Variants in ST6GALNAC2 observed in about 807,000 individuals in gnomAD.
ST6GALNAC2 encodes the protein alpha-N-acetylgalactosaminide alpha-2,6-sialyltransferase 2.
ST6GALNAC2 carries 42 observed loss-of-function variants against 38.7 expected under a neutral mutation model. The observed-to-expected ratio is 1.09, with a 90% CI of 0.85 to 1.40. ST6GALNAC2 has a LOEUF of 1.40. ST6GALNAC2 is among the 40% of genes most tolerant of loss of function. The probability of loss-of-function intolerance (pLI) is 0.00; values close to 1 mark genes in which losing one functional copy is unlikely to be tolerated. For synonymous variants in ST6GALNAC2, 233 were observed against 209.0 expected (o/e 1.11, Z -0.99); for missense variants, 506 against 481.7 (o/e 1.05, Z -0.47).
chr17:76,585,005 C>A (rs1220787674), intron 1 of ST6GALNAC2, among the ~76,000 whole-genome samples: 1 of 152,248 alleles, frequency 6.6e-6, no homozygotes, highest in East Asian at 1.9e-4. Flanking sequence ...CGTGGGACAC[C>A]CAGGAAAGTG....
intron 6 of ST6GALNAC2, 158 bp downstream of exon 6, chr17:76,570,407 T>C (rs2075339767): frequency 1.6e-6 from 1 of 606,774 alleles, no homozygotes; most frequent in South Asian, 1.9e-5. Flanking sequence ...AGTGCTGTTA[T>C]GTGAATAATT....
At chr17:76,568,336 G>T (rs909065790) in intron 7 of ST6GALNAC2, 6 of 254,172 alleles carry the variant, frequency 2.4e-5, no homozygotes, top group Admixed American at 1.0e-4. Context: ...GTTGAGGCTG[G>T]TCCCCGGGTT....
Position 76,570,637 on chromosome 17 carries a change from A to G in ST6GALNAC2, c.701T>C (p.Ile234Thr). 1.2e-6 allele frequency: 2 copies of G among 1,613,016 alleles called. No homozygotes were observed. Among genetic ancestry groups the G allele is most frequent in the Admixed American group, 1.7e-5 (1 of 59,938 alleles). ...DLQYIFIPSD[I>T]RDYVMLRSAI... ...CGATCTCAGCATCACATAGTCGCGG[A>G]TGTCTGAGGGGATGAAGATATACTG... The change falls in exon 6 of 9, where the codon ATC becomes ACC. Residue 234 changes from isoleucine (I) to threonine (T), a missense_variant. Ile to Thr is a moderately conservative substitution (Grantham distance 89). Coordinates refer to ENST00000225276, the MANE Select transcript of ST6GALNAC2 (RefSeq NM_006456.3).
At chr17:76,576,612 A>G (rs1028172409) in intron 2 of ST6GALNAC2, among the ~76,000 whole-genome samples, 6 of 152,092 alleles carry the variant, frequency 3.9e-5, no homozygotes, top group Non-Finnish European at 8.8e-5. Context: ...GTATTCCTAC[A>G]TGGCTCTGCT....
rs1437363423 is a variant in ST6GALNAC2, at chr17:76,573,468, C to T, written c.362-105G>A. On this transcript the variant is annotated intron_variant, in intron 3 of 8. Coordinates refer to ENST00000225276, the MANE Select transcript of ST6GALNAC2 (RefSeq NM_006456.3). The surrounding 1 kb of genome is among the most constrained non-coding windows in gnomAD (Gnocchi z 5.1). ...GCCCCATCTCCCCTGAGGCCTGACC[C>T]TAGCCCCTCCCAAGAAGCACAGAGG... 5 of 1,130,236 alleles carry T rather than the reference C, an allele frequency of 4.4e-6. No individual in the cohort carries two copies. The highest frequency in any genetic ancestry group is 6.0e-6 in the Non-Finnish European group (5 of 839,586). 70.0% of individuals were successfully genotyped at this position (1,130,236 alleles called of 1,614,324 possible).
rs556048180 is a variant in ST6GALNAC2 at position 76,577,354 on chromosome 17, C to T, written c.186+1402G>A. 2.2e-3 allele frequency among the ~76,000 whole-genome samples: 334 copies of T among 152,096 alleles called. 3 individuals are homozygous for T. The highest frequency in any genetic ancestry group is 7.6e-3 in the African/African-American group (316 of 41,488). On this transcript the variant is annotated intron_variant, in intron 2 of 8. Transcript: ENST00000225276. ...AAAGTGCTGGGATTACAGGCATGAG[C>T]CACTGCGCCTGGCCGTTTTTGTCTT... is the stretch of plus-strand genomic sequence containing the variant.
At chr17:76,583,460 C>G (rs1180117132) in intron 1 of ST6GALNAC2, among the ~76,000 whole-genome samples, 1 of 151,406 alleles carries the variant, frequency 6.6e-6, no homozygotes, top group Non-Finnish European at 1.5e-5. Flanking sequence ...TACAGTGAGC[C>G]AAGATAGACC....
At chr17:76,566,806 C>T (rs953686391) in intron 8 of ST6GALNAC2, among the ~76,000 whole-genome samples, 2 of 152,018 alleles carry the variant, frequency 1.3e-5, no homozygotes, top group African/African-American at 4.8e-5. Context: ...TGCACTTAAG[C>T]CTGGGTGACA....
chr17:76,573,158 C>CT lies in ST6GALNAC2; in HGVS notation c.530+36dup. On this transcript the variant is annotated intron_variant, in intron 4 of 8. Transcript: ENST00000225276. The surrounding 1 kb of genome is among the most constrained non-coding windows in gnomAD (Gnocchi z 5.1). Reference sequence around the variant, plus strand: ...AGACACCCCCACCCTCCAGGCAACTCTCCCTCCCGCCCCTCCCCAGCTCCT... The same window carrying CT: ...AGACACCCCCACCCTCCAGGCAACTCTTCCCTCCCGCCCCTCCCCAGCTCCT... 6.5e-7 allele frequency: 1 copy of CT among 1,544,320 alleles called. No individual in the cohort carries two copies. Among genetic ancestry groups the CT allele is most frequent in the Non-Finnish European group, 8.8e-7 (1 of 1,132,692 alleles).
intron 1 of ST6GALNAC2, among the ~76,000 whole-genome samples, chr17:76,581,837 C>T (rs1452754814): frequency 1.3e-5 from 2 of 152,082 alleles, no homozygotes; most frequent in East Asian, 1.9e-4. Flanking sequence ...TAATTTTACT[C>T]ACAACTTAGA....
Position 76,566,363 on chromosome 17 carries a change from G to A in ST6GALNAC2, c.958-92C>T, listed in dbSNP as rs372898035. ...GTGACATGAGTTTAGAAAGGTGTCC[G>A]TCTGCTGAGGTGAGGATAATGGTCT... On this transcript the variant is annotated intron_variant, in intron 8 of 8. Transcript: ENST00000225276. 3.4e-4 allele frequency: 457 copies of A among 1,346,254 alleles called. 4 individuals are homozygous for A. The South Asian group carries it at 4.4e-3, about 13-fold the overall frequency. The allele number at this position is 1,346,254 out of a possible 1,614,324, so 83.4% of individuals were successfully genotyped here.
intron 1 of ST6GALNAC2, among the ~76,000 whole-genome samples, chr17:76,579,840 G>A (rs1165105742): frequency 2.6e-5 from 4 of 152,138 alleles, no homozygotes. Flanking sequence ...CCTATGACCT[G>A]GGACTTCCCA....
At chr17:76,567,134 A>G (rs2075294091) in intron 8 of ST6GALNAC2, among the ~76,000 whole-genome samples, 1 of 152,290 alleles carries the variant, frequency 6.6e-6, no homozygotes, top group South Asian at 2.1e-4. Flanking sequence ...CAGTTTGATG[A>G]TTTGAGCCTT....
In ST6GALNAC2 at chr17:76,574,627, T is replaced by A; in HGVS notation, c.187-88A>T. ...CAGACCCTGCAGGGGAGTTGCGAGT[T>A]GTGAGGGAAGGCCTGCCCTGTCCCC... On this transcript the variant is annotated intron_variant, in intron 2 of 8. Coordinates refer to ENST00000225276, the MANE Select transcript of ST6GALNAC2 (RefSeq NM_006456.3). 4.2e-6 allele frequency: 5 copies of A among 1,195,098 alleles called. No homozygotes were observed. In the South Asian group the frequency reaches 7.8e-5, roughly 19 times the overall value. The allele number at this position is 1,195,098 out of a possible 1,614,324, so 74.0% of individuals were successfully genotyped here.
At position 76,570,672 on chromosome 17, in the gene ST6GALNAC2, T is replaced by C; in HGVS notation, c.670-4A>G. Reference sequence around the variant, plus strand: ...GGATGAAGATATACTGCAGGTCCTGTCAGAATAGAGACAATGAGCCCAGAG... The same window carrying C: ...GGATGAAGATATACTGCAGGTCCTGCCAGAATAGAGACAATGAGCCCAGAG... On this transcript the variant is annotated splice_polypyrimidine_tract_variant and splice_region_variant and intron_variant, in intron 5 of 8. Transcript: ENST00000225276. The C allele has an allele frequency of 1.2e-6, 2 of 1,606,192 alleles. No homozygotes were observed. The highest frequency in any genetic ancestry group is 1.7e-6 in the Non-Finnish European group (2 of 1,175,626).
chr17:76,567,746 G>A, intron 7 of ST6GALNAC2, 194 bp from the exon 8 acceptor site: 2 of 518,628 alleles, frequency 3.9e-6, no homozygotes, highest in Admixed American at 6.5e-5. Context: ...GGGGTGGTGA[G>A]AAAGGAACCA....
At position 76,574,530 on chromosome 17, in the gene ST6GALNAC2, A is replaced by C. The variant is rs771008131; in HGVS notation, c.196T>G (p.Cys66Gly). Residue 66 changes from cysteine (C) to glycine (G), a missense_variant, in exon 3 of 9, where the codon TGC (cysteine) becomes GGC (glycine). Cys to Gly is a radical substitution (Grantham distance 159). Transcript: ENST00000225276. ...ATGGCCAGGTGAAGCAGGTGTCGGCAGGCCTGGCCCTGTGGGTGAGAAGGT... is the reference window on the plus strand; with the variant it reads ...ATGGCCAGGTGAAGCAGGTGTCGGCCGGCCTGGCCCTGTGGGTGAGAAGGT... ...SNSWTGKGQA[C>G]RHLLHLAIQR... The C allele has an allele frequency of 8.1e-6, 11 of 1,357,390 alleles. No homozygotes were observed. In the South Asian group the frequency reaches 1.3e-4, roughly 15 times the overall value. The allele number at this position is 1,357,390 out of a possible 1,614,324, so 84.1% of individuals were successfully genotyped here. A position where few individuals can be genotyped will look rare whatever the true frequency, so the allele number is the denominator to read the frequency against.
In ST6GALNAC2 at chr17:76,585,711, C is replaced by G. The variant is rs1432849471; in HGVS notation, c.98G>C (p.Arg33Pro). ...GGCTCCGGCCGCTGGCCCCGGGTACCGCTGCACCGCCGAGAAGTACAGGGC... is the reference window on the plus strand; with the variant it reads ...GGCTCCGGCCGCTGGCCCCGGGTACGGCTGCACCGCCGAGAAGTACAGGGC... ...LFALYFSAVQ[R>P]YPGPAAGARD... The change falls in exon 1 of 9, where the codon CGG (arginine) becomes CCG (proline). Residue 33 changes from arginine (R) to proline (P), a missense_variant. Physicochemically the swap from Arg to Pro is moderately radical, Grantham distance 103. Transcript: ENST00000225276. 1 of 1,532,754 alleles carries G rather than the reference C, an allele frequency of 6.5e-7. No individual in the cohort carries two copies. The highest frequency in any genetic ancestry group is 8.7e-7 in the Non-Finnish European group (1 of 1,142,966). 94.9% of individuals were successfully genotyped at this position (1,532,754 alleles called of 1,614,324 possible).
At chr17:76,582,092 C>T (rs185097498) in intron 1 of ST6GALNAC2, among the ~76,000 whole-genome samples, 10 of 150,156 alleles carry the variant, frequency 6.7e-5, no homozygotes, top group Admixed American at 6.0e-4. Context: ...GTCTTGATCT[C>T]TTGACCTTGT....
Sources: allele counts gnomAD v4.1 joint callset (sites outside exome capture counted in the v4.1 genomes callset), GRCh38; gene constraint gnomAD v4.1.1; non-coding constraint Gnocchi (gnomAD v3.1); transcripts MANE v1.5; gene names NCBI Gene and HGNC (gene_info 2026-07-23, HGNC 2026-07-21).